Variants in AFF2 observed in about 807,000 individuals in gnomAD.
AFF2 encodes AF4/FMR2 family member 2.
In AFF2, 14 loss-of-function variants were observed where a neutral mutation model predicts 76.9. The ratio of observed to expected loss-of-function variants is 0.18; its 90% CI spans 0.12 to 0.28. AFF2 has a LOEUF of 0.28. Ranked by LOEUF, AFF2 falls within the 10% of genes least tolerant of loss-of-function variation. The pLI, the probability that AFF2 is intolerant of heterozygous loss-of-function variation, is 1.00. For missense variants in AFF2, 868 were observed against 1,001.1 expected (o/e 0.87, Z 1.79); for synonymous variants, 398 against 366.7 (o/e 1.09, Z -0.98).
At chrX:148,624,881 T>A (rs2053906563) in intron 1 of AFF2, among the ~76,000 whole-genome samples, 1 of 112,018 alleles carries the variant, frequency 8.9e-6, no homozygotes, top group Non-Finnish European at 1.9e-5. Flanking sequence ...TTATAACAAT[T>A]GTCCGAGGAT....
At chrX:148,568,711 G>A (rs1048078554) in intron 1 of AFF2, among the ~76,000 whole-genome samples, 3 of 111,788 alleles carry the variant, frequency 2.7e-5, no homozygotes, top group South Asian at 3.7e-4. Context: ...AACATGATGC[G>A]AATTTAGATA....
At chrX:148,896,455 G>T (rs1199374379) in intron 8 of AFF2, among the ~76,000 whole-genome samples, 11 of 111,655 alleles carry the variant, frequency 9.9e-5, no homozygotes, top group African/African-American at 3.6e-4. Flanking sequence ...AGACTCTGTG[G>T]CACAACTCTG....
In AFF2 at chrX:148,681,532, A is replaced by AAAGATGTG. The variant is rs1271796442; in HGVS notation, c.1041+18765_1041+18772dup. ...TAATGTTGATGATCACAGTGTGCTA[A>AAAGATGTG]AAGATGTGTGTGTGTGTGTGTGTGT... On this transcript the variant is annotated intron_variant, in intron 3 of 20. Transcript: ENST00000370460. Among the ~76,000 whole-genome samples the AAAGATGTG allele has an allele frequency of 3.8e-5, 3 of 78,997 alleles. No individual in the cohort carries two copies. In the East Asian group the frequency reaches 9.4e-4, roughly 25 times the overall value. The allele number at this position is 78,997 out of a possible 115,157, so 68.6% of individuals were successfully genotyped here.
intron 3 of AFF2, among the ~76,000 whole-genome samples, chrX:148,755,368 C>T (rs1557266806): frequency 1.8e-5 from 2 of 111,689 alleles, no homozygotes; most frequent in Non-Finnish European, 3.8e-5. Flanking sequence ...TCTGACCTAG[C>T]TCTGAGTCAT....
intron 8 of AFF2, among the ~76,000 whole-genome samples, chrX:148,891,160 A>G (rs1192193266): frequency 9.0e-6 from 1 of 111,700 alleles, no homozygotes; most frequent in Non-Finnish European, 1.9e-5. Context: ...AGAGATGGCC[A>G]CTGGGGTTTG....
chrX:148,879,895 G>C (rs2071078301), intron 7 of AFF2, among the ~76,000 whole-genome samples: 1 of 111,818 alleles, frequency 8.9e-6, no homozygotes, highest in Non-Finnish European at 1.9e-5. Context: ...GGAACTCCTA[G>C]TTCTCACACT....
chrX:148,578,704 GA>G (rs1273788946), intron 1 of AFF2, among the ~76,000 whole-genome samples: 3 of 111,657 alleles, frequency 2.7e-5, no homozygotes, highest in East Asian at 5.6e-4. Flanking sequence ...TGTTTTGGGG[GA>G]AAAAACATCA....
chrX:148,785,175 C>T lies in AFF2; in HGVS notation c.1042-24701C>T, dbSNP rs934098338. ...CACACAGAAACTAGTTTGTAGGGCT[C>T]GCTCTACTCATCTTTTTGCTGATAG... On this transcript the variant is annotated intron_variant, in intron 3 of 20. Coordinates refer to ENST00000370460, the MANE Select transcript of AFF2 (RefSeq NM_002025.4). Among the ~76,000 whole-genome samples the T allele has an allele frequency of 6.2e-5, 7 of 112,144 alleles. No individual in the cohort carries two copies. The Middle Eastern group carries it at 0.014, about 221-fold the overall frequency.
chrX:148,722,722 A>G (rs1171181106), intron 3 of AFF2, among the ~76,000 whole-genome samples: 3 of 111,734 alleles, frequency 2.7e-5, no homozygotes, highest in African/African-American at 9.8e-5. Flanking sequence ...TCCTTAGTTT[A>G]GCATAAATGC....
chrX:148,779,452 G>A (rs1017832034), intron 3 of AFF2, among the ~76,000 whole-genome samples: 12 of 111,495 alleles, frequency 1.1e-4, no homozygotes, highest in African/African-American at 2.0e-4. Flanking sequence ...GTGTTAAAGC[G>A]TCCCACTATT....
intron 3 of AFF2, among the ~76,000 whole-genome samples, chrX:148,806,800 A>G (rs1557271375): frequency 8.9e-6 from 1 of 112,095 alleles, no homozygotes; most frequent in East Asian, 2.8e-4. Context: ...TCTGAGAGAA[A>G]GAACCTGAGA....
Position 148,581,072 on chromosome X carries a change from C to CACATATGTGTATATGTATATAT in AFF2, c.48-70924_48-70923insTATGTGTATATGTATATATACA, listed in dbSNP as rs1569551592. Among the ~76,000 whole-genome samples, 99 of 62,590 alleles carry CACATATGTGTATATGTATATAT rather than the reference C, an allele frequency of 1.6e-3. 3 individuals carry two copies. Among genetic ancestry groups the CACATATGTGTATATGTATATAT allele is most frequent in the African/African-American group, 4.9e-3 (93 of 18,949 alleles). The allele number at this position is 62,590 out of a possible 115,157, so 54.4% of individuals were successfully genotyped here. A position where few individuals can be genotyped will look rare whatever the true frequency, so the allele number is the denominator to read the frequency against. On this transcript the variant is annotated intron_variant, in intron 1 of 20. Coordinates refer to ENST00000370460, the MANE Select transcript of AFF2 (RefSeq NM_002025.4). Reference sequence around the variant, plus strand: ...ACACATATGTGTATATGTATATATACACACATATATACATATGTGTATATG... The same window carrying CACATATGTGTATATGTATATAT: ...ACACATATGTGTATATGTATATATACACATATGTGTATATGTATATATACACATATATACATATGTGTATATG...
chrX:148,962,436 C>G (rs1218297304), intron 12 of AFF2, among the ~76,000 whole-genome samples: 1 of 111,900 alleles, frequency 8.9e-6, no homozygotes, highest in South Asian at 3.7e-4. Flanking sequence ...GTAGCACACT[C>G]CATTAGGCAT....
At chrX:148,537,593 G>A (rs189688123) in intron 1 of AFF2, among the ~76,000 whole-genome samples, 13 of 108,986 alleles carry the variant, frequency 1.2e-4, no homozygotes, top group East Asian at 2.9e-4. Context: ...GGAGCCTCTC[G>A]GATCCTGCCG....
At chrX:148,725,182 G>A (rs2055141521) in intron 3 of AFF2, among the ~76,000 whole-genome samples, 3 of 110,946 alleles carry the variant, frequency 2.7e-5, no homozygotes, top group Admixed American at 9.6e-5. Context: ...CGGAGGCAGT[G>A]TGAGGAATGG....
At position 148,662,691 on chromosome X, in the gene AFF2, A is replaced by T. The variant is rs1381757485; in HGVS notation, c.964A>T (p.Thr322Ser). 8.3e-7 allele frequency: 1 copy of T among 1,210,760 alleles called. No individual in the cohort carries two copies. Among genetic ancestry groups the T allele is most frequent in the Non-Finnish European group, 1.1e-6 (1 of 895,386 alleles). ...ENSFGNLSFGTLLDGKPSAAS... is the reference protein window; with the variant it reads ...ENSFGNLSFGSLLDGKPSAAS... ...CAGCTTTGGGAATCTGTCATTTGGA[A>T]CACTCTTGGATGGAAAACCCAGTGC... is the stretch of plus-strand genomic sequence containing the variant. Residue 322 changes from threonine to serine, a missense_variant, in exon 3 of 21, where the codon ACA becomes TCA. This residue lies in a region of AFF2 where 532 missense variants were observed against 564.2 expected (regional missense o/e 0.94). Coordinates refer to ENST00000370460, the MANE Select transcript of AFF2 (RefSeq NM_002025.4).
intron 3 of AFF2, among the ~76,000 whole-genome samples, chrX:148,713,522 A>C (rs191545613): frequency 7.1e-5 from 8 of 111,928 alleles, no homozygotes; most frequent in African/African-American, 2.6e-4. Flanking sequence ...ATTAGCAATA[A>C]ATTTTACAGA....
intron 1 of AFF2, among the ~76,000 whole-genome samples, chrX:148,629,962 G>A (rs1361249592): frequency 2.7e-5 from 3 of 111,508 alleles, no homozygotes; most frequent in Admixed American, 9.5e-5. Flanking sequence ...CCTATGTGCC[G>A]AGTCTTGTCT....
At chrX:148,648,456 G>A (rs2054166371) in intron 1 of AFF2, among the ~76,000 whole-genome samples, 1 of 107,333 alleles carries the variant, frequency 9.3e-6, no homozygotes, top group South Asian at 4.3e-4. Context: ...CAGCTACTTG[G>A]GAGGCTGAGG....
Sources: gnomAD v4.1 joint callset for allele counts (sites outside exome capture counted in the v4.1 genomes callset) on GRCh38, gnomAD v4.1.1 for gene constraint, gnomAD v4.1.1 regional missense constraint, MANE v1.5 for transcripts, NCBI Gene and HGNC (gene_info 2026-07-23, HGNC 2026-07-21) for gene names.